The following CNTLN variants were observed in gnomAD, a reference collection of about 807,000 sequenced individuals.
CNTLN encodes centlein, centrosomal protein.
CNTLN carries 212 observed loss-of-function variants against 180.0 expected under a neutral mutation model. That is an observed-to-expected ratio of 1.18 (90% CI 1.05 to 1.32). The LOEUF (loss-of-function observed/expected upper bound fraction) is 1.32. CNTLN is among the 40% of genes most tolerant of loss of function. CNTLN has a pLI of 0.00. For missense variants in CNTLN, 2,095 were observed against 1,610.9 expected, an observed-to-expected ratio of 1.30 and a Z score of -5.14; for synonymous variants, 722 against 563.1, an observed-to-expected ratio of 1.28 and a Z score of -3.99.
At chr9:17,346,873 C>T (rs139104992) in intron 12 of CNTLN, among the ~76,000 whole-genome samples, 5 of 152,194 alleles carry the variant, frequency 3.3e-5, no homozygotes, top group African/African-American at 1.2e-4. Flanking sequence ...TATGATTGTC[C>T]TACAGGTCAC....
chr9:17,445,269 G>T (rs1830337784), intron 18 of CNTLN, among the ~76,000 whole-genome samples: 1 of 151,998 alleles, frequency 6.6e-6, no homozygotes, highest in Admixed American at 6.6e-5. Flanking sequence ...GTAGGGTTTT[G>T]AAATTCCCTG....
At chr9:17,294,998 C>T (rs560163151) in intron 6 of CNTLN, among the ~76,000 whole-genome samples, 12 of 151,484 alleles carry the variant, frequency 7.9e-5, no homozygotes, top group East Asian at 4.0e-4. Flanking sequence ...AGCTAAGGCC[C>T]GGTGAGAAAT....
At chr9:17,316,748 A>G (rs1819564330) in intron 8 of CNTLN, among the ~76,000 whole-genome samples, 1 of 151,704 alleles carries the variant, frequency 6.6e-6, no homozygotes, top group Admixed American at 6.6e-5. Flanking sequence ...TTTTTGTAAT[A>G]TTTTCTAGTG....
At chr9:17,475,645 G>A (rs1832293479) in intron 23 of CNTLN, among the ~76,000 whole-genome samples, 1 of 151,900 alleles carries the variant, frequency 6.6e-6, no homozygotes, top group African/African-American at 2.4e-5. Context: ...GGCCGAGGTG[G>A]GTGGATCACG....
the CNTLN span, among the ~76,000 whole-genome samples, chr9:17,526,470 A>G: frequency 7.2e-5 from 11 of 152,352 alleles, no homozygotes; most frequent in South Asian, 2.1e-4. Flanking sequence ...ATATCTTTCA[A>G]TTACTGAATA....
At chr9:17,463,643 A>T (rs891414131) in intron 20 of CNTLN, among the ~76,000 whole-genome samples, 4 of 151,614 alleles carry the variant, frequency 2.6e-5, no homozygotes, top group African/African-American at 9.7e-5. Flanking sequence ...CTTAAAAGTG[A>T]TATGAATAGA....
At chr9:17,441,815 G>C (rs997956011) in intron 18 of CNTLN, among the ~76,000 whole-genome samples, 1 of 152,090 alleles carries the variant, frequency 6.6e-6, no homozygotes, top group Non-Finnish European at 1.5e-5. Flanking sequence ...ACTCACTTTA[G>C]TTTTAACGAC....
intron 1 of CNTLN, among the ~76,000 whole-genome samples, chr9:17,136,201 C>A (rs1342299063): frequency 1.3e-5 from 2 of 152,106 alleles, no homozygotes; most frequent in Admixed American, 6.5e-5. Context: ...TTTACCAGAA[C>A]CTTTAGATAG....
intron 18 of CNTLN, among the ~76,000 whole-genome samples, chr9:17,455,099 T>C (rs1482628029): frequency 1.3e-5 from 2 of 152,110 alleles, no homozygotes; most frequent in African/African-American, 4.8e-5. Flanking sequence ...TTCTCATCTA[T>C]AGCTTTCTCA....
intron 2 of CNTLN, among the ~76,000 whole-genome samples, chr9:17,222,181 C>G (rs1824181598): frequency 6.6e-6 from 1 of 152,034 alleles, no homozygotes; most frequent in African/African-American, 2.4e-5. Context: ...TTTGCCATTT[C>G]TCTGCTCCTT....
intron 15 of CNTLN, among the ~76,000 whole-genome samples, chr9:17,398,649 T>C (rs1826722968): frequency 6.6e-6 from 1 of 152,216 alleles, no homozygotes. Context: ...GGGAGTTTCA[T>C]TAAGTTGTTT....
chr9:17,178,969 G>A lies in CNTLN; in HGVS notation c.449+35593G>A, dbSNP rs1300718808. On this transcript the variant is annotated intron_variant, in intron 2 of 25. Coordinates refer to ENST00000380647, the MANE Select transcript of CNTLN (RefSeq NM_017738.4). ...CTCAGAAGTGTAGATTATTGGCCGG[G>A]CGCGGTGGCTCACGCCTGTAATCCC... Among the ~76,000 whole-genome samples the A allele has an allele frequency of 2.7e-5, 4 of 146,374 alleles. 1 individual carries two copies. Among genetic ancestry groups the A allele is most frequent in the Admixed American group, 1.3e-4 (2 of 14,910 alleles).
chr9:17,211,128 C>T (rs1053135040), intron 2 of CNTLN, among the ~76,000 whole-genome samples: 3 of 152,088 alleles, frequency 2.0e-5, no homozygotes, highest in Admixed American at 2.0e-4. Context: ...GAAGTCCTTG[C>T]CCATGCCTAT....
intron 18 of CNTLN, among the ~76,000 whole-genome samples, chr9:17,445,615 C>G (rs1830362155): frequency 6.6e-6 from 1 of 152,124 alleles, no homozygotes; most frequent in Non-Finnish European, 1.5e-5. Flanking sequence ...AGAGTCATCA[C>G]CACTCCCTAA....
chr9:17,151,624 T>C (rs1818886954), intron 2 of CNTLN, among the ~76,000 whole-genome samples: 1 of 152,190 alleles, frequency 6.6e-6, no homozygotes. Flanking sequence ...AAATTTTCTT[T>C]TTTTGTTGTG....
chr9:17,497,277 A>G (rs917823937), intron 25 of CNTLN, among the ~76,000 whole-genome samples: 2 of 152,172 alleles, frequency 1.3e-5, no homozygotes, highest in Non-Finnish European at 2.9e-5. Flanking sequence ...GTTTAGCTCT[A>G]TCTAGGCAAG....
intron 15 of CNTLN, among the ~76,000 whole-genome samples, chr9:17,397,683 A>G (rs549611131): frequency 2.0e-5 from 3 of 152,268 alleles, no homozygotes; most frequent in East Asian, 3.9e-4. Flanking sequence ...TCTGAGCCCT[A>G]TTTTACCCAG....
chr9:17,526,697 C>T, the CNTLN span, among the ~76,000 whole-genome samples: 4 of 152,054 alleles, frequency 2.6e-5, no homozygotes, highest in Admixed American at 6.5e-5. Context: ...CCAAGTCATA[C>T]GTATATTCTC....
rs186699761 is a variant in CNTLN at position 17,487,911 on chromosome 9, T to A, written c.4119+845T>A. Among the ~76,000 whole-genome samples the A allele has an allele frequency of 2.3e-4, 35 of 152,276 alleles. 1 individual carries two copies. In the East Asian group the frequency reaches 6.8e-3, roughly 29 times the overall value. On this transcript the variant is annotated intron_variant, in intron 25 of 25. Coordinates refer to ENST00000380647, the MANE Select transcript of CNTLN (RefSeq NM_017738.4). ...TTTTGACATCACTGACAGCATGTAA[T>A]GTATTCTAAAACTTTTTCATTATAG...
Sources: allele counts gnomAD v4.1 joint callset (sites outside exome capture counted in the v4.1 genomes callset), GRCh38; gene constraint gnomAD v4.1.1; transcripts MANE v1.5; gene names NCBI Gene and HGNC (gene_info 2026-07-23, HGNC 2026-07-21).